RGS6: variants seen among roughly 807,000 people sequenced by gnomAD.
RGS6 encodes regulator of G protein signaling 6, also known as regulator of G-protein signaling 6.
A neutral mutation model predicts 78.5 loss-of-function variants in RGS6; 30 were observed. That is an observed-to-expected ratio of 0.38 (90% confidence interval 0.29 to 0.52). RGS6 has a LOEUF of 0.52. RGS6 is among the 20% of genes least tolerant of loss of function. RGS6 has a pLI of 0.85. For missense variants in RGS6, 495 were observed against 609.7 expected (o/e 0.81, Z 1.98); for synonymous variants, 206 against 206.0 (o/e 1.00, Z 0.00).
chr14:72,157,599 T>TAAGCCAGACCAC (rs2096790694), intron 2 of RGS6, among the ~76,000 whole-genome samples: 1 of 152,144 alleles, frequency 6.6e-6, no homozygotes, highest in South Asian at 2.1e-4. Flanking sequence ...TTACAAGATA[T>TAAGCCAGACCAC]TTTCAGGACC....
At chr14:72,402,802 T>G (rs1350736798) in intron 3 of RGS6, among the ~76,000 whole-genome samples, 3 of 140,996 alleles carry the variant, frequency 2.1e-5, no homozygotes, top group Non-Finnish European at 4.6e-5. Flanking sequence ...TTTTTTTTTT[T>G]TTTTTTTTTT....
At chr14:71,928,548 A>G (rs192374171), upstream of RGS6, among the ~76,000 whole-genome samples, 409 of 152,302 alleles carry the variant, frequency 2.7e-3, no homozygotes, top group Non-Finnish European at 4.4e-3. Context: ...ATAGTTTTCT[A>G]CCTTGGCCTG....
chr14:72,412,643 C>A (rs1198663862), intron 3 of RGS6, among the ~76,000 whole-genome samples: 2 of 152,104 alleles, frequency 1.3e-5, no homozygotes, highest in African/African-American at 4.8e-5. Context: ...TTCTCTAGTT[C>A]TTTTAATTGT....
intron 3 of RGS6, among the ~76,000 whole-genome samples, chr14:72,419,600 G>C (rs2094050420): frequency 6.6e-6 from 1 of 152,198 alleles, no homozygotes; most frequent in South Asian, 2.1e-4. Context: ...CCATTTCCTT[G>C]GTTCCTGCTT....
chr14:72,469,823 G>C (rs1307207068), intron 7 of RGS6, 184 bp from the exon 8 acceptor site: 3 of 576,462 alleles, frequency 5.2e-6, no homozygotes, highest in Admixed American at 3.1e-5. Context: ...AATATTAATA[G>C]TTCAGCTCTG....
At chr14:72,547,080 G>A (rs2153522824) in intron 17 of RGS6, 1 of 1,179,252 alleles carries the variant, frequency 8.5e-7, no homozygotes, top group South Asian at 1.4e-5. Context: ...GAGAGTGAAG[G>A]GGAGTGCAGG....
chr14:72,393,855 G>A (rs941974986), intron 3 of RGS6, among the ~76,000 whole-genome samples: 1 of 152,120 alleles, frequency 6.6e-6, no homozygotes, highest in Non-Finnish European at 1.5e-5. Flanking sequence ...AATGCATTTT[G>A]GAATGATCCT....
At chr14:72,454,504 G>T in intron 3 of RGS6, 24 bp from the exon 4 acceptor site, 1 of 1,613,380 alleles carries the variant, frequency 6.2e-7, no homozygotes, top group Non-Finnish European at 8.5e-7. Flanking sequence ...GAGGTCTTCA[G>T]CTGAAATTGC....
At chr14:72,482,224 G>A (rs1482041861) in intron 12 of RGS6, among the ~76,000 whole-genome samples, 1 of 152,166 alleles carries the variant, frequency 6.6e-6, no homozygotes, top group African/African-American at 2.4e-5. Context: ...AGAGTCAGTA[G>A]TCTTCTATTA....
the RGS6 span, among the ~76,000 whole-genome samples, chr14:71,919,259 G>C: frequency 1.3e-5 from 2 of 152,146 alleles, no homozygotes; most frequent in African/African-American, 2.4e-5. Flanking sequence ...AAGTGCCCGT[G>C]GGGGTGAGGG....
At position 72,453,595 on chromosome 14, in the gene RGS6, G is replaced by A. The variant is rs1045847114; in HGVS notation, c.185-933G>A. Among the ~76,000 whole-genome samples the A allele has an allele frequency of 3.2e-4, 36 of 111,736 alleles. No homozygotes were observed. The South Asian group carries it at 4.1e-3, about 13-fold the overall frequency. The allele number at this position is 111,736 out of a possible 152,430, so 73.3% of individuals were successfully genotyped here. The stretch of plus-strand genomic sequence containing the variant: ...CCCGCCACTGCACTCCAGCCTGGGC[G>A]ACAGAGCGAGACTCCGTCTCAAAAA... On this transcript the variant is annotated intron_variant, in intron 3 of 17. Coordinates refer to ENST00000553525, the MANE Select transcript of RGS6 (RefSeq NM_001204424.2).
intron 2 of RGS6, among the ~76,000 whole-genome samples, chr14:72,108,546 T>C (rs1217448438): frequency 2.0e-5 from 3 of 151,992 alleles, no homozygotes; most frequent in East Asian, 1.9e-4. Context: ...GTTGTCCTTA[T>C]GTTGCATCTT....
chr14:72,408,428 T>G (rs1385219413), intron 3 of RGS6, among the ~76,000 whole-genome samples: 1 of 152,228 alleles, frequency 6.6e-6, no homozygotes, highest in Non-Finnish European at 1.5e-5. Flanking sequence ...TCAGTGCCTT[T>G]GTTCTCAGTC....
chr14:71,990,585 TTC>T (rs1566972123), intron 2 of RGS6: 1 of 456,010 alleles, frequency 2.2e-6, no homozygotes, highest in East Asian at 6.9e-5. Flanking sequence ...TTCACAAGCA[TTC>T]TGTCTTGGTT....
the RGS6 span, among the ~76,000 whole-genome samples, chr14:71,893,514 G>T: frequency 4.6e-5 from 7 of 152,262 alleles, no homozygotes; most frequent in African/African-American, 1.7e-4. Context: ...ATGCTAAATA[G>T]TAGAAAGGAG....
intron 2 of RGS6, among the ~76,000 whole-genome samples, chr14:72,307,576 T>C (rs957707461): frequency 6.6e-6 from 1 of 152,152 alleles, no homozygotes. Context: ...TGAGAGACTG[T>C]TTCTGATCTG....
At position 72,161,471 on chromosome 14, in the gene RGS6, G is replaced by T. The variant is rs151317405; in HGVS notation, c.85-190624G>T. Among the ~76,000 whole-genome samples the T allele has an allele frequency of 3.3e-3, 502 of 152,220 alleles. 1 individual carries two copies. Among genetic ancestry groups the T allele is most frequent in the African/African-American group, 0.012 (485 of 41,524 alleles). On this transcript the variant is annotated intron_variant, in intron 2 of 17. Coordinates refer to ENST00000553525, the MANE Select transcript of RGS6 (RefSeq NM_001204424.2). ...AGGAAATATTCTAAGTTTCACAATGGGGTGTGGAAGAATCTGTGCGAATCT... is the reference window on the plus strand; with the variant it reads ...AGGAAATATTCTAAGTTTCACAATGTGGTGTGGAAGAATCTGTGCGAATCT...
intron 2 of RGS6, among the ~76,000 whole-genome samples, chr14:72,180,200 A>G (rs1479414003): frequency 1.3e-5 from 2 of 152,376 alleles, no homozygotes; most frequent in African/African-American, 4.8e-5. Context: ...TCAGTGTATC[A>G]CATCTCTTCT....
chr14:72,562,378 T>C lies in RGS6; in HGVS notation c.1423-39T>C, dbSNP rs1184061416. 1.9e-6 allele frequency: 3 copies of C among 1,591,742 alleles called. No homozygotes were observed. The East Asian group carries it at 6.7e-5, about 36-fold the overall frequency. The stretch of plus-strand genomic sequence containing the variant: ...CTCTCTGTCTCTGTCCCTCTGTGTG[T>C]GCGCCTGTGCGTGCCTCTCTGTCGC... On this transcript the variant is annotated intron_variant, in intron 17 of 17. Transcript: ENST00000553525.
Sources: allele counts gnomAD v4.1 joint callset (sites outside exome capture counted in the v4.1 genomes callset), GRCh38; gene constraint gnomAD v4.1.1; transcripts MANE v1.5; gene names NCBI Gene and HGNC (gene_info 2026-07-23, HGNC 2026-07-21).